The following NDNF variants were observed in gnomAD, a reference collection of about 807,000 sequenced individuals.
The protein encoded by NDNF is neuron derived neurotrophic factor, also known as protein NDNF.
Under a neutral mutation model 42.0 loss-of-function variants are expected in NDNF, and 16 were observed. The observed-to-expected ratio is 0.38, with a 90% confidence interval of 0.26 to 0.58. The LOEUF is 0.58. NDNF is among the 20% of genes least tolerant of loss of function. The probability of loss-of-function intolerance (pLI) is 0.67; values close to 1 mark genes in which losing one functional copy is unlikely to be tolerated. For missense variants in NDNF, 616 were observed against 666.2 expected (o/e 0.92, Z 0.83); for synonymous variants, 248 against 251.7 (o/e 0.99, Z 0.14).
Position 121,042,169 on chromosome 4 carries a change from C to T in NDNF, c.189-2115G>A, listed in dbSNP as rs143954325. On this transcript the variant is annotated intron_variant, in intron 2 of 3. Coordinates refer to ENST00000379692, the MANE Select transcript of NDNF (RefSeq NM_024574.4). ...GGGCCCTGTTAGGGTTCATTTATCA[C>T]GCCTTTGTATTCCCAGCAATTAGCA... 5.2e-3 allele frequency among the ~76,000 whole-genome samples: 793 copies of T among 152,218 alleles called. 13 individuals carry two copies. Among genetic ancestry groups the T allele is most frequent in the South Asian group, 0.035 (168 of 4,810 alleles).
chr4:121,036,931 T>A lies in NDNF; in HGVS notation c.1040A>T (p.Asp347Val). ...EAKQKTVELK[D>V]GKITDVFVKR... ...AACAAATACATCTGTTATCTTCCCA[T>A]CTTTTAGCTCGACTGTCTTCTGTTT... is the stretch of plus-strand genomic sequence containing the variant. Residue 347 changes from aspartate (D) to valine (V), a missense_variant, in exon 4 of 4, where the codon GAT (aspartate) becomes GTT (valine). Transcript: ENST00000379692. 1 of 1,613,942 alleles carries A rather than the reference T, an allele frequency of 6.2e-7. No individual in the cohort carries two copies.
intron 1 of NDNF, among the ~76,000 whole-genome samples, chr4:121,046,806 C>T (rs1727101994): frequency 6.6e-6 from 1 of 152,236 alleles, no homozygotes; most frequent in African/African-American, 2.4e-5. Context: ...AAGACACTGT[C>T]TTCCACATGT....
At chr4:121,059,058 C>T (rs775605790) in intron 1 of NDNF, among the ~76,000 whole-genome samples, 2 of 152,146 alleles carry the variant, frequency 1.3e-5, no homozygotes, top group Non-Finnish European at 2.9e-5. Flanking sequence ...TGCTAGGATG[C>T]CTTTACTGCC....
chr4:121,066,099 T>G (rs566825249), intron 1 of NDNF, among the ~76,000 whole-genome samples: 1 of 152,154 alleles, frequency 6.6e-6, no homozygotes, highest in South Asian at 2.1e-4. Context: ...ATCTGTTAGT[T>G]CTATTAGTAT....
At chr4:121,062,837 G>A (rs560525430) in intron 1 of NDNF, among the ~76,000 whole-genome samples, 12 of 152,240 alleles carry the variant, frequency 7.9e-5, no homozygotes, top group South Asian at 4.1e-4. Context: ...AAGAGATCTC[G>A]AAAATGCCTG....
At chr4:121,039,780 C>T in intron 3 of NDNF, 150 bp downstream of exon 3, 1 of 818,456 alleles carries the variant, frequency 1.2e-6, no homozygotes, top group Non-Finnish European at 1.8e-6. Context: ...TGATGCCACC[C>T]TCCCACTTCC....
chr4:121,056,148 G>A (rs1263352314), intron 1 of NDNF, among the ~76,000 whole-genome samples: 1 of 152,148 alleles, frequency 6.6e-6, no homozygotes, highest in African/African-American at 2.4e-5. Context: ...TATAACTTAT[G>A]CTACTGGGCA....
chr4:121,060,610 T>C (rs1272899825), intron 1 of NDNF, among the ~76,000 whole-genome samples: 1 of 152,226 alleles, frequency 6.6e-6, no homozygotes, highest in Non-Finnish European at 1.5e-5. Flanking sequence ...AAGTTTCTAG[T>C]TTGTTCATAT....
intron 1 of NDNF, among the ~76,000 whole-genome samples, chr4:121,062,296 T>A (rs372431070): frequency 1.3e-5 from 2 of 152,244 alleles, no homozygotes; most frequent in African/African-American, 4.8e-5. Flanking sequence ...TCTGAGGACA[T>A]CAACATTGTT....
chr4:121,058,138 A>G (rs1219759033), intron 1 of NDNF, among the ~76,000 whole-genome samples: 6 of 152,146 alleles, frequency 3.9e-5, no homozygotes, highest in African/African-American at 1.4e-4. Flanking sequence ...AGCTGTTTTT[A>G]GTTTTCTTGT....
chr4:121,050,863 T>G (rs886142163), intron 1 of NDNF, among the ~76,000 whole-genome samples: 2 of 152,174 alleles, frequency 1.3e-5, no homozygotes, highest in Non-Finnish European at 2.9e-5. Context: ...ATTGGTGATA[T>G]GAGATTTTTC....
At position 121,063,707 on chromosome 4, in the gene NDNF, C is replaced by A. The variant is rs574051206; in HGVS notation, c.-2+8286G>T. Among the ~76,000 whole-genome samples the A allele has an allele frequency of 3.9e-5, 6 of 152,086 alleles. No homozygotes were observed. The East Asian group carries it at 9.7e-4, about 25-fold the overall frequency. ...TGGTGATTGGGGGTGTCGGGGGGGCCATGGGAGGTTTACATCAGAACCTGC... is the reference window on the plus strand; with the variant it reads ...TGGTGATTGGGGGTGTCGGGGGGGCAATGGGAGGTTTACATCAGAACCTGC... On this transcript the variant is annotated intron_variant, in intron 1 of 3. Coordinates refer to ENST00000379692, the MANE Select transcript of NDNF (RefSeq NM_024574.4).
intron 1 of NDNF, among the ~76,000 whole-genome samples, chr4:121,059,232 A>G (rs1560609103): frequency 6.6e-6 from 1 of 152,206 alleles, no homozygotes. Flanking sequence ...AATCCTACAT[A>G]TATCTACAAG....
Position 121,037,580 on chromosome 4 carries a change from TG to T in NDNF, c.390del (p.Asn131MetfsTer52), listed in dbSNP as rs1726900719. ...GACGATATAAAATACTCAACATCAT[TG>T]CCTTTGTAGGAGAATAACTCAGTGC... is the stretch of plus-strand genomic sequence containing the variant. ...EEGTELFSYK[G>X]NDVEYFISSS... On this transcript the variant is annotated frameshift_variant, in exon 4 of 4. Coordinates refer to ENST00000379692, the MANE Select transcript of NDNF (RefSeq NM_024574.4). LOFTEE classifies it high-confidence loss of function. 2 of 1,612,676 alleles carry T rather than the reference TG, an allele frequency of 1.2e-6. No individual in the cohort carries two copies. Among genetic ancestry groups the T allele is most frequent in the Non-Finnish European group, 1.7e-6 (2 of 1,179,800 alleles).
intron 1 of NDNF, among the ~76,000 whole-genome samples, chr4:121,046,404 A>C (rs532244087): frequency 6.6e-6 from 1 of 152,222 alleles, no homozygotes; most frequent in Non-Finnish European, 1.5e-5. Flanking sequence ...GGGGTTATAC[A>C]TATATAACTC....
At chr4:121,041,855 G>A (rs1008778702) in intron 2 of NDNF, among the ~76,000 whole-genome samples, 1 of 152,202 alleles carries the variant, frequency 6.6e-6, no homozygotes, top group Non-Finnish European at 1.5e-5. Context: ...ACGGTAGGGT[G>A]AGTAGGGTTC....
At chr4:121,064,397 G>A (rs996027677) in intron 1 of NDNF, among the ~76,000 whole-genome samples, 1 of 151,966 alleles carries the variant, frequency 6.6e-6, no homozygotes, top group Non-Finnish European at 1.5e-5. Flanking sequence ...TTTAACATTA[G>A]TTAACAACTG....
chr4:121,053,541 G>A (rs751952797), intron 1 of NDNF, among the ~76,000 whole-genome samples: 11 of 152,174 alleles, frequency 7.2e-5, no homozygotes, highest in Non-Finnish European at 1.3e-4. Context: ...TGTAATTCAG[G>A]AAGCCAGACC....
intron 1 of NDNF, among the ~76,000 whole-genome samples, chr4:121,070,748 A>T (rs1190973225): frequency 6.6e-6 from 1 of 152,230 alleles, no homozygotes; most frequent in Non-Finnish European, 1.5e-5. Flanking sequence ...AGGAAAAAAC[A>T]TAACAACAAC....
Sources: gnomAD v4.1 joint callset for allele counts (sites outside exome capture counted in the v4.1 genomes callset) on GRCh38, gnomAD v4.1.1 for gene constraint, MANE v1.5 for transcripts, NCBI Gene and HGNC (gene_info 2026-07-23, HGNC 2026-07-21) for gene names.